The following MICAL3 variants were observed in gnomAD, a reference collection of about 807,000 sequenced individuals.
MICAL3 encodes [F-actin]-monooxygenase MICAL3.
Under a neutral mutation model 207.4 loss-of-function variants are expected in MICAL3, and 62 were observed. That is an observed-to-expected ratio of 0.30 (90% confidence interval 0.24 to 0.37). MICAL3 has a LOEUF of 0.37. MICAL3 is among the 10% of genes least tolerant of loss of function. The pLI is 1.00. For synonymous variants in MICAL3, 1,077 were observed against 1,069.3 expected (o/e 1.01, Z -0.14); for missense variants, 2,368 against 2,635.6 (o/e 0.90, Z 2.22).
rs530882671 is a variant in MICAL3, at chr22:17,863,785, T to C, written c.2605+1114A>G. Reference sequence around the variant, plus strand: ...TTAGGGAAGGGAAAGGATGCAACTCTGGGAACCTCTCGTTGAAGGCCAAAT... The same window carrying C: ...TTAGGGAAGGGAAAGGATGCAACTCCGGGAACCTCTCGTTGAAGGCCAAAT... On this transcript the variant is annotated intron_variant, in intron 19 of 31. Transcript: ENST00000441493. The C allele has an allele frequency of 4.3e-5, 42 of 985,474 alleles. No homozygotes were observed. In the African/African-American group the frequency reaches 6.8e-4, roughly 16 times the overall value. The allele number at this position is 985,474 out of a possible 1,614,324, so 61.0% of individuals were successfully genotyped here.
intron 1 of MICAL3, among the ~76,000 whole-genome samples, chr22:17,965,447 T>C (rs1935105187): frequency 6.6e-6 from 1 of 152,196 alleles, no homozygotes; most frequent in Non-Finnish European, 1.5e-5. Context: ...TCTCCTACCT[T>C]AGAGAAAGCA....
chr22:17,991,899 G>T (rs776877186), intron 1 of MICAL3, among the ~76,000 whole-genome samples: 1 of 152,072 alleles, frequency 6.6e-6, no homozygotes, highest in Non-Finnish European at 1.5e-5. Context: ...TTATTACAAG[G>T]CTCCAACCAG....
intron 1 of MICAL3, among the ~76,000 whole-genome samples, chr22:17,957,089 A>G (rs1230787057): frequency 6.6e-6 from 1 of 152,164 alleles, no homozygotes; most frequent in Non-Finnish European, 1.5e-5. Context: ...CAGAAAGAAA[A>G]GAAAGATGGC....
At chr22:17,820,844 AAAAAT>A (rs1952884294) in intron 25 of MICAL3, among the ~76,000 whole-genome samples, 1 of 147,318 alleles carries the variant, frequency 6.8e-6, no homozygotes, top group South Asian at 2.1e-4. Context: ...TAAATTTATA[AAAAAT>A]AAATTTGTTC....
chr22:18,002,279 T>A (rs1026954866), intron 1 of MICAL3, among the ~76,000 whole-genome samples: 1 of 152,016 alleles, frequency 6.6e-6, no homozygotes, highest in Non-Finnish European at 1.5e-5. Context: ...TCATTCTAGT[T>A]GGGAAGCAAA....
At chr22:17,916,080 A>C (rs1047682104) in intron 1 of MICAL3, among the ~76,000 whole-genome samples, 6 of 143,612 alleles carry the variant, frequency 4.2e-5, no homozygotes, top group African/African-American at 1.3e-4. Context: ...AAAAAAAAAA[A>C]CCCAAAAAGC....
At chr22:17,878,389 A>AC in intron 16 of MICAL3, among the ~76,000 whole-genome samples, 1 of 151,480 alleles carries the variant, frequency 6.6e-6, no homozygotes, top group East Asian at 1.9e-4. Flanking sequence ...GGTGGGAAAG[A>AC]CCCCCACCTC....
intron 1 of MICAL3, chr22:18,004,161 G>C: frequency 6.6e-6 from 1 of 152,234 alleles, no homozygotes; most frequent in East Asian, 1.9e-4. Context: ...AAGCCTTCCA[G>C]ATTGATTGCC....
chr22:17,998,064 G>A (rs538487796), intron 1 of MICAL3, among the ~76,000 whole-genome samples: 3 of 147,670 alleles, frequency 2.0e-5, no homozygotes, highest in Non-Finnish European at 4.6e-5. Flanking sequence ...CACTTTGGAA[G>A]GCCAAGGAGG....
chr22:18,012,479 G>T (rs1923806108), intron 1 of MICAL3, among the ~76,000 whole-genome samples: 1 of 152,186 alleles, frequency 6.6e-6, no homozygotes, highest in Non-Finnish European at 1.5e-5. Flanking sequence ...AGGCGATAGT[G>T]GTGGGCGGGG....
chr22:17,802,880 C>T (rs2061954190), intron 29 of MICAL3, among the ~76,000 whole-genome samples: 1 of 152,156 alleles, frequency 6.6e-6, no homozygotes, highest in African/African-American at 2.4e-5. Flanking sequence ...CCCAGGATTC[C>T]CCTCAACAGA....
chr22:17,991,147 G>A (rs57141912), intron 1 of MICAL3, among the ~76,000 whole-genome samples: 4,971 of 152,314 alleles, frequency 0.033, 123 homozygotes, highest in African/African-American at 0.069. Context: ...CTGACAGCCC[G>A]TGACAGCACC....
intron 27 of MICAL3, chr22:17,811,101 A>G: frequency 2.9e-6 from 1 of 342,244 alleles, no homozygotes; most frequent in South Asian, 4.5e-5. Context: ...CAGGGACAGG[A>G]GGCTGAGTGG....
At chr22:17,830,634 GGCAGCATGGAGGGA>G (rs1922704245) in intron 21 of MICAL3, among the ~76,000 whole-genome samples, 1 of 152,162 alleles carries the variant, frequency 6.6e-6, no homozygotes, top group Admixed American at 6.5e-5. Context: ...CCGCAGACAC[GGCAGCATGGAGGGA>G]GAGCCCAGAT....
chr22:17,812,283 G>C (rs1319543920), intron 27 of MICAL3, among the ~76,000 whole-genome samples: 2 of 152,212 alleles, frequency 1.3e-5, no homozygotes, highest in East Asian at 3.8e-4. Flanking sequence ...GAGGAACCTG[G>C]AACAAAATGA....
chr22:17,902,526 G>T lies in MICAL3; in HGVS notation c.589+105C>A. 1 of 654,396 alleles carries T rather than the reference G, an allele frequency of 1.5e-6. No homozygotes were observed. The highest frequency in any genetic ancestry group is 2.0e-5 in the South Asian group (1 of 51,110). The allele number at this position is 654,396 out of a possible 1,614,324, so 40.5% of individuals were successfully genotyped here. A position where few individuals can be genotyped will look rare whatever the true frequency, so the allele number is the denominator to read the frequency against. On this transcript the variant is annotated intron_variant, in intron 4 of 31. Transcript: ENST00000441493. The surrounding 1 kb of genome is among the most constrained non-coding windows in gnomAD (Gnocchi z 4.5). ...TCCCCAAAGGCACAGGCTTTGGCTA[G>T]CTCTGGAAGCAGCCCTCAGGAGCCT...
At chr22:17,953,136 T>C (rs867273921) in intron 1 of MICAL3, among the ~76,000 whole-genome samples, 2 of 152,296 alleles carry the variant, frequency 1.3e-5, no homozygotes, top group Middle Eastern at 3.4e-3. Context: ...CTCCCATATC[T>C]TTCCTCGATC....
chr22:17,859,963 C>G (rs1926336029), intron 19 of MICAL3, among the ~76,000 whole-genome samples: 1 of 152,218 alleles, frequency 6.6e-6, no homozygotes, highest in Admixed American at 6.5e-5. Flanking sequence ...CACAGGAGTC[C>G]TCTGTTAACG....
chr22:17,928,356 G>A lies in MICAL3; in HGVS notation c.-74-21470C>T, dbSNP rs558680590. On this transcript the variant is annotated intron_variant, in intron 1 of 31. Transcript: ENST00000441493. ...CAGGAGGCTGAGGCAGGAGAATGGC[G>A]TGAACCCGGGAGGCGGAGCTTGCAG... Among the ~76,000 whole-genome samples the A allele has an allele frequency of 6.5e-3, 991 of 151,972 alleles. 16 individuals are homozygous for A. The highest frequency in any genetic ancestry group is 9.0e-3 in the Non-Finnish European group (612 of 67,976).
Sources: gnomAD v4.1 joint callset for allele counts (sites outside exome capture counted in the v4.1 genomes callset) on GRCh38, gnomAD v4.1.1 for gene constraint, Gnocchi (gnomAD v3.1) non-coding constraint, MANE v1.5 for transcripts, NCBI Gene and HGNC (gene_info 2026-07-23, HGNC 2026-07-21) for gene names.